The following NEGR1 variants were observed in gnomAD, a reference collection of about 807,000 sequenced individuals.
The protein encoded by NEGR1 is neuronal growth regulator 1.
In NEGR1, 10 loss-of-function variants were observed where a neutral mutation model predicts 40.9. The observed-to-expected ratio is 0.24, with a 90% CI of 0.15 to 0.42. The LOEUF (loss-of-function observed/expected upper bound fraction) is 0.42. Ranked by LOEUF, NEGR1 falls within the 10% of genes least tolerant of loss-of-function variation. The probability of loss-of-function intolerance (pLI) is 1.00; values close to 1 mark genes in which losing one functional copy is unlikely to be tolerated. For missense variants in NEGR1, 352 were observed against 438.9 expected (o/e 0.80, Z 1.77); for synonymous variants, 185 against 166.8 (o/e 1.11, Z -0.84).
chr1:72,060,991 A>G (rs1360447660), intron 1 of NEGR1, among the ~76,000 whole-genome samples: 1 of 151,592 alleles, frequency 6.6e-6, no homozygotes, highest in Non-Finnish European at 1.5e-5. Flanking sequence ...TTTTTTGCTG[A>G]GCACAAGTTT....
intron 6 of NEGR1, among the ~76,000 whole-genome samples, chr1:71,488,386 CA>C (rs1414791047): frequency 2.6e-5 from 4 of 151,780 alleles, no homozygotes; most frequent in Non-Finnish European, 4.4e-5. Context: ...ACAATTTTGT[CA>C]ACTCTAATGC....
intron 1 of NEGR1, among the ~76,000 whole-genome samples, chr1:72,263,957 A>C (rs994786955): frequency 6.6e-6 from 1 of 151,404 alleles, no homozygotes; most frequent in Non-Finnish European, 1.5e-5. Context: ...ACATATATTC[A>C]CTGGAAAGAG....
intron 1 of NEGR1, among the ~76,000 whole-genome samples, chr1:71,988,488 G>C (rs550069060): frequency 6.1e-4 from 83 of 136,722 alleles, no homozygotes; most frequent in Admixed American, 1.2e-3. Flanking sequence ...GCAGTGAGCC[G>C]AGATTGCGCC....
intron 1 of NEGR1, among the ~76,000 whole-genome samples, chr1:72,240,111 T>C (rs1204828223): frequency 6.6e-6 from 1 of 151,806 alleles, no homozygotes; most frequent in Non-Finnish European, 1.5e-5. Flanking sequence ...AGAACAAACA[T>C]TAAAATTGAG....
In NEGR1 at chr1:71,571,732, G is replaced by T. The variant is rs141802935; in HGVS notation, c.940+21085C>A. ...GGCTTAAGCCCAAGAGGTCAAGGCT[G>T]CAGTGAACTGTCATGGTGCCACTCC... On this transcript the variant is annotated intron_variant, in intron 6 of 6. Transcript: ENST00000357731. 7.5e-5 allele frequency among the ~76,000 whole-genome samples: 11 copies of T among 146,912 alleles called. 1 individual carries two copies. The East Asian group carries it at 2.2e-3, about 30-fold the overall frequency.
At chr1:71,702,211 C>G (rs1244693927) in intron 3 of NEGR1, among the ~76,000 whole-genome samples, 1 of 152,016 alleles carries the variant, frequency 6.6e-6, no homozygotes, top group African/African-American at 2.4e-5. Context: ...TTCTTTTCTT[C>G]CATTTATACA....
At chr1:72,149,752 C>A (rs1321659786) in intron 1 of NEGR1, among the ~76,000 whole-genome samples, 1 of 151,474 alleles carries the variant, frequency 6.6e-6, no homozygotes, top group African/African-American at 2.4e-5. Flanking sequence ...CATAGTGGCA[C>A]ATGACTGTAA....
chr1:72,053,303 T>G (rs1293942651), intron 1 of NEGR1, among the ~76,000 whole-genome samples: 1 of 151,154 alleles, frequency 6.6e-6, no homozygotes, highest in Non-Finnish European at 1.5e-5. Flanking sequence ...AAAAGAAAAC[T>G]GGTAACTGGG....
chr1:72,059,295 A>AT (rs58469931), intron 1 of NEGR1, among the ~76,000 whole-genome samples: 4,183 of 151,674 alleles, frequency 0.028, 173 homozygotes, highest in African/African-American at 0.096. Context: ...GTGTAATCCA[A>AT]GTCCACAATC....
chr1:71,521,555 T>A, intron 6 of NEGR1, among the ~76,000 whole-genome samples: 1 of 152,186 alleles, frequency 6.6e-6, no homozygotes, highest in Admixed American at 6.6e-5. Flanking sequence ...TACATCATCC[T>A]ATCTCACTCA....
intron 1 of NEGR1, among the ~76,000 whole-genome samples, chr1:72,198,656 T>G (rs188919145): frequency 6.6e-6 from 1 of 152,128 alleles, no homozygotes; most frequent in African/African-American, 2.4e-5. Context: ...TTAAATTGTA[T>G]GCTCTCTTTG....
chr1:71,927,007 C>G (rs545204169), intron 2 of NEGR1, among the ~76,000 whole-genome samples: 2 of 151,852 alleles, frequency 1.3e-5, no homozygotes, highest in Admixed American at 6.6e-5. Context: ...ATATTTAGAA[C>G]AAAAAAATGT....
chr1:72,219,849 T>C (rs1240271220), intron 1 of NEGR1, among the ~76,000 whole-genome samples: 3 of 152,088 alleles, frequency 2.0e-5, no homozygotes, highest in African/African-American at 7.2e-5. Flanking sequence ...ATTGCATCTA[T>C]TATGTATATA....
At chr1:71,911,392 G>T (rs1001751019) in intron 2 of NEGR1, among the ~76,000 whole-genome samples, 3 of 152,032 alleles carry the variant, frequency 2.0e-5, no homozygotes, top group Non-Finnish European at 4.4e-5. Flanking sequence ...CTATCTTTTT[G>T]ATCTGCAGCA....
chr1:72,032,774 A>G (rs1646870435), intron 1 of NEGR1, among the ~76,000 whole-genome samples: 2 of 152,138 alleles, frequency 1.3e-5, no homozygotes, highest in South Asian at 4.1e-4. Flanking sequence ...ACCTGACCAT[A>G]TTGATTAGAA....
intron 1 of NEGR1, among the ~76,000 whole-genome samples, chr1:72,061,658 G>A (rs950029450): frequency 6.6e-5 from 10 of 151,652 alleles, no homozygotes; most frequent in African/African-American, 2.2e-4. Context: ...AAGAAGGAAG[G>A]GGGAATAGCT....
chr1:71,913,923 C>CCAGTATGTCTCTAATCCCT (rs1277172274), intron 2 of NEGR1, among the ~76,000 whole-genome samples: 2 of 151,700 alleles, frequency 1.3e-5, no homozygotes, highest in East Asian at 3.9e-4. Flanking sequence ...AATATTTTTC[C>CCAGTATGTCTCTAATCCCT]CAGTATGTCT....
intron 6 of NEGR1, among the ~76,000 whole-genome samples, chr1:71,543,813 A>G (rs1647797883): frequency 6.6e-6 from 1 of 151,748 alleles, no homozygotes; most frequent in African/African-American, 2.4e-5. Context: ...ACCAAATTAC[A>G]TCTTTCAGTG....
intron 1 of NEGR1, among the ~76,000 whole-genome samples, chr1:72,229,523 A>G (rs1196479969): frequency 6.7e-6 from 1 of 149,838 alleles, no homozygotes; most frequent in Admixed American, 6.7e-5. Flanking sequence ...TTTTATTGCA[A>G]AAACAGCATT....
Sources: gnomAD v4.1 joint callset for allele counts (sites outside exome capture counted in the v4.1 genomes callset) on GRCh38, gnomAD v4.1.1 for gene constraint, MANE v1.5 for transcripts, NCBI Gene and HGNC (gene_info 2026-07-23, HGNC 2026-07-21) for gene names.